The following PHF14 variants were observed in gnomAD, a reference collection of about 807,000 sequenced individuals.
PHF14 encodes the protein PHD finger protein 14.
In PHF14, 55 loss-of-function variants were observed where a neutral mutation model predicts 117.9. The observed-to-expected ratio is 0.47, with a 90% CI of 0.38 to 0.58. The LOEUF (loss-of-function observed/expected upper bound fraction) is 0.58, where lower values mean the gene tolerates loss of function less well. Among genes scored for constraint, PHF14 ranks in the 20% least tolerant of loss-of-function variants. PHF14 has a pLI of 0.00. For synonymous variants in PHF14, 409 were observed against 368.6 expected, an observed-to-expected ratio of 1.11 and a Z score of -1.26; for missense variants, 978 against 1,122.2, an observed-to-expected ratio of 0.87 and a Z score of 1.84.
At chr7:10,997,014 T>G (rs1414874166) in intron 4 of PHF14, among the ~76,000 whole-genome samples, 2 of 152,218 alleles carry the variant, frequency 1.3e-5, no homozygotes, top group Non-Finnish European at 2.9e-5. Context: ...GAGTTCTAAG[T>G]GTCGCATATA....
At chr7:11,102,351 A>G (rs887489897) in intron 16 of PHF14, 63 of 835,398 alleles carry the variant, frequency 7.5e-5, no homozygotes, top group Admixed American at 3.2e-4. Flanking sequence ...TTAGGTTTAG[A>G]GTATCTATCT....
intron 5 of PHF14, among the ~76,000 whole-genome samples, chr7:11,019,528 A>G (rs759682882): frequency 3.3e-5 from 5 of 152,188 alleles, no homozygotes; most frequent in Non-Finnish European, 7.3e-5. Context: ...TTATTGGCAT[A>G]TAGTTGCTCA....
At chr7:11,159,026 T>G (rs1265299900) in intron 17 of PHF14, among the ~76,000 whole-genome samples, 1 of 152,130 alleles carries the variant, frequency 6.6e-6, no homozygotes, top group Non-Finnish European at 1.5e-5. Context: ...AGTAATAATA[T>G]TAAAAGATTT....
At chr7:10,991,824 C>T (rs1782464997) in intron 4 of PHF14, among the ~76,000 whole-genome samples, 1 of 141,662 alleles carries the variant, frequency 7.1e-6, no homozygotes, top group African/African-American at 2.7e-5. Flanking sequence ...TCTTGAACTC[C>T]TGGCCTCAAG....
intron 16 of PHF14, among the ~76,000 whole-genome samples, chr7:11,069,868 CT>C (rs1785553517): frequency 6.7e-6 from 1 of 148,972 alleles, no homozygotes; most frequent in Non-Finnish European, 1.5e-5. Context: ...TTATTTTTTT[CT>C]GGTAGAAGTA....
At chr7:10,991,573 G>A (rs1782452554) in intron 4 of PHF14, among the ~76,000 whole-genome samples, 1 of 151,866 alleles carries the variant, frequency 6.6e-6, no homozygotes, top group Non-Finnish European at 1.5e-5. Flanking sequence ...GCCTCCCAAA[G>A]TGCTGGGATT....
At chr7:11,003,855 A>G (rs1405601723) in intron 4 of PHF14, among the ~76,000 whole-genome samples, 1 of 152,136 alleles carries the variant, frequency 6.6e-6, no homozygotes, top group Non-Finnish European at 1.5e-5. Flanking sequence ...GTATGTATCT[A>G]CCCCATCTGT....
intron 16 of PHF14, among the ~76,000 whole-genome samples, chr7:11,088,195 ATTATAAT>A (rs1429739459): frequency 6.6e-6 from 1 of 152,174 alleles, no homozygotes; most frequent in Non-Finnish European, 1.5e-5. Context: ...CTAGATACTT[ATTATAAT>A]ACCTAATACA....
chr7:11,067,384 G>T (rs1697776641), intron 16 of PHF14, among the ~76,000 whole-genome samples: 1 of 152,144 alleles, frequency 6.6e-6, no homozygotes, highest in South Asian at 2.1e-4. Context: ...ATAAAATTGT[G>T]CAGCTACTAG....
intron 17 of PHF14, among the ~76,000 whole-genome samples, chr7:11,120,955 A>T (rs191212523): frequency 1.3e-5 from 2 of 152,302 alleles, no homozygotes; most frequent in East Asian, 1.9e-4. Context: ...CTATAAAGGC[A>T]TATTTTTTTC....
chr7:11,083,464 A>AATTTT (rs1554269654), intron 16 of PHF14, among the ~76,000 whole-genome samples: 8 of 112,310 alleles, frequency 7.1e-5, no homozygotes, highest in African/African-American at 2.1e-4. Context: ...TGCTTTCCCT[A>AATTTT]TTTTTTTTTT....
chr7:11,102,922 A>AAGCCTGTGGGACTTAATG, intron 16 of PHF14: 1 of 1,058,258 alleles, frequency 9.4e-7, no homozygotes, highest in Non-Finnish European at 1.1e-6. Context: ...AGAGTTACTG[A>AAGCCTGTGGGACTTAATG]AGCCTGTGGG....
chr7:11,064,927 G>A (rs1785374363), intron 16 of PHF14, among the ~76,000 whole-genome samples: 1 of 151,964 alleles, frequency 6.6e-6, no homozygotes, highest in Non-Finnish European at 1.5e-5. Context: ...TAAAATGTTA[G>A]AACAGTAGTA....
intron 17 of PHF14, among the ~76,000 whole-genome samples, chr7:11,124,898 G>A (rs1226234680): frequency 3.9e-5 from 6 of 151,976 alleles, no homozygotes; most frequent in Non-Finnish European, 8.8e-5. Context: ...TTATTAAGTG[G>A]GATCTGCTTT....
At chr7:10,978,628 T>A (rs1781947836) in intron 2 of PHF14, among the ~76,000 whole-genome samples, 1 of 152,310 alleles carries the variant, frequency 6.6e-6, no homozygotes, top group Admixed American at 6.5e-5. Context: ...ATTGGCATTT[T>A]GTGTTGGATA....
intron 12 of PHF14, among the ~76,000 whole-genome samples, chr7:11,042,318 A>G (rs1339711123): frequency 1.3e-5 from 2 of 151,920 alleles, no homozygotes; most frequent in Non-Finnish European, 2.9e-5. Context: ...ACTTTGTTCT[A>G]TAATTTATGT....
At chr7:11,163,990 G>C (rs561619723) in intron 17 of PHF14, among the ~76,000 whole-genome samples, 1 of 152,218 alleles carries the variant, frequency 6.6e-6, no homozygotes, top group Admixed American at 6.5e-5. Context: ...ACTTTTAAAA[G>C]AAACATTATT....
chr7:11,160,725 G>A (rs1238651424), intron 17 of PHF14, among the ~76,000 whole-genome samples: 2 of 152,138 alleles, frequency 1.3e-5, no homozygotes, highest in Non-Finnish European at 2.9e-5. Context: ...CTTCTGAGAA[G>A]TGTCTGTTCA....
intron 5 of PHF14, among the ~76,000 whole-genome samples, chr7:11,020,323 C>T (rs185208113): frequency 2.0e-5 from 3 of 152,088 alleles, no homozygotes; most frequent in African/African-American, 4.8e-5. Context: ...CTCCTGGGCT[C>T]AAGCAGTCCT....
Sources: allele counts gnomAD v4.1 joint callset (sites outside exome capture counted in the v4.1 genomes callset), GRCh38; gene constraint gnomAD v4.1.1; transcripts MANE v1.5; gene names NCBI Gene and HGNC (gene_info 2026-07-23, HGNC 2026-07-21).